Variants in LRMDA observed in about 807,000 individuals in gnomAD.
LRMDA encodes leucine rich melanocyte differentiation associated, also known as leucine-rich melanocyte differentiation-associated protein.
A neutral mutation model predicts 29.8 loss-of-function variants in LRMDA; 18 were observed. That is an observed-to-expected ratio of 0.60 (90% confidence interval 0.42 to 0.90). LRMDA has a LOEUF of 0.90. Among genes scored for constraint, LRMDA ranks in the 40% least tolerant of loss-of-function variants. LRMDA has a pLI of 0.00. For missense variants in LRMDA, 273 were observed against 273.9 expected, an observed-to-expected ratio of 1.00 and a Z score of 0.02; for synonymous variants, 125 against 109.4, an observed-to-expected ratio of 1.14 and a Z score of -0.89.
chr10:76,466,278 G>C (rs1187497837), intron 6 of LRMDA, among the ~76,000 whole-genome samples: 1 of 152,120 alleles, frequency 6.6e-6, no homozygotes, highest in Non-Finnish European at 1.5e-5. Context: ...AGCTGGTACT[G>C]GCAAGTATGA....
At chr10:76,044,197 C>T (rs997222429) in intron 3 of LRMDA, among the ~76,000 whole-genome samples, 5 of 152,108 alleles carry the variant, frequency 3.3e-5, no homozygotes, top group East Asian at 1.9e-4. Context: ...TCTGATGGGT[C>T]GCATGGGTGG....
In LRMDA at chr10:75,895,242, C is replaced by A. The variant is rs527974208; in HGVS notation, c.132-140766C>A. Among the ~76,000 whole-genome samples the A allele has an allele frequency of 2.0e-5, 3 of 152,304 alleles. No homozygotes were observed. The South Asian group carries it at 6.2e-4, about 32-fold the overall frequency. On this transcript the variant is annotated intron_variant, in intron 2 of 6. Transcript: ENST00000611255. ...GGGAAAGTGGTGTTTTAAGGTGAAT[C>A]TGTCAGGTGCTGTGTAGATTCAAGT...
At chr10:75,698,959 G>T (rs1015927098) in intron 2 of LRMDA, among the ~76,000 whole-genome samples, 1 of 152,172 alleles carries the variant, frequency 6.6e-6, no homozygotes, top group Non-Finnish European at 1.5e-5. Flanking sequence ...CCAGCACTTT[G>T]GGAGGCTGAG....
chr10:75,548,561 G>T (rs1398539404), intron 2 of LRMDA, among the ~76,000 whole-genome samples: 1 of 152,130 alleles, frequency 6.6e-6, no homozygotes, highest in Non-Finnish European at 1.5e-5. Flanking sequence ...CCTATTTTCA[G>T]CACAGGAGCC....
At chr10:75,697,850 T>TGTGTGTGTGCGC (rs10664076) in intron 2 of LRMDA, among the ~76,000 whole-genome samples, 1 of 151,586 alleles carries the variant, frequency 6.6e-6, no homozygotes, top group South Asian at 2.1e-4. Flanking sequence ...TGTGTGTGTG[T>TGTGTGTGTGCGC]GCGTGTGTGT....
chr10:76,057,354 A>T (rs1007308157), intron 4 of LRMDA, among the ~76,000 whole-genome samples: 1 of 152,244 alleles, frequency 6.6e-6, no homozygotes, highest in African/African-American at 2.4e-5. Flanking sequence ...GGCCTGGCAC[A>T]TAGTAGGTGA....
chr10:76,556,631 G>A (rs961486791), intron 6 of LRMDA: 1 of 153,240 alleles, frequency 6.5e-6, no homozygotes, highest in Non-Finnish European at 1.5e-5. Flanking sequence ...GGGATTACAG[G>A]CGTGAGCCAC....
At chr10:75,484,235 CAT>C (rs1262161691) in intron 2 of LRMDA, among the ~76,000 whole-genome samples, 1 of 152,184 alleles carries the variant, frequency 6.6e-6, no homozygotes, top group Non-Finnish European at 1.5e-5. Flanking sequence ...GGATTACAGA[CAT>C]GTGCTACTGC....
intron 6 of LRMDA, among the ~76,000 whole-genome samples, chr10:76,395,248 G>T (rs1171030683): frequency 6.6e-6 from 1 of 152,156 alleles, no homozygotes; most frequent in Non-Finnish European, 1.5e-5. Flanking sequence ...ACTTTTCAGA[G>T]CTTTTGCTCA....
intron 6 of LRMDA, among the ~76,000 whole-genome samples, chr10:76,438,114 C>G (rs993442485): frequency 5.3e-5 from 8 of 152,126 alleles, no homozygotes; most frequent in African/African-American, 1.7e-4. Flanking sequence ...ATGCAGGAAG[C>G]CTGAGAACCC....
intron 5 of LRMDA, among the ~76,000 whole-genome samples, chr10:76,280,895 C>T (rs1840195098): frequency 3.9e-5 from 6 of 152,114 alleles, no homozygotes; most frequent in Admixed American, 3.9e-4. Context: ...AGTTTACCAA[C>T]AAGGGCACAA....
chr10:75,973,996 C>A (rs550554994), intron 2 of LRMDA, among the ~76,000 whole-genome samples: 3 of 152,238 alleles, frequency 2.0e-5, no homozygotes, highest in South Asian at 4.1e-4. Flanking sequence ...CCTGTCAGGG[C>A]TTGGCACATA....
chr10:75,979,410 A>G (rs2132447431), intron 2 of LRMDA, among the ~76,000 whole-genome samples: 1 of 152,336 alleles, frequency 6.6e-6, no homozygotes, highest in Non-Finnish European at 1.5e-5. Context: ...AAGTGGCTCC[A>G]TATATGATAA....
In LRMDA at chr10:76,356,512, T is replaced by G. The variant is rs1462675837; in HGVS notation, c.601+32027T>G. Among the ~76,000 whole-genome samples, 3 of 152,318 alleles carry G rather than the reference T, an allele frequency of 2.0e-5. No individual in the cohort carries two copies. In the East Asian group the frequency reaches 5.8e-4, roughly 29 times the overall value. ...ATGGAATTTTGAGAAAACCGTATTT[T>G]TTTTTAAACTGGAGGGATTGGTGGA... On this transcript the variant is annotated intron_variant, in intron 6 of 6. Coordinates refer to ENST00000611255, the MANE Select transcript of LRMDA (RefSeq NM_001305581.2).
intron 2 of LRMDA, among the ~76,000 whole-genome samples, chr10:75,858,858 G>T (rs1844871659): frequency 6.6e-6 from 1 of 152,146 alleles, no homozygotes; most frequent in Non-Finnish European, 1.5e-5. Context: ...CTCTTCCCCA[G>T]AAGAGATAAC....
intron 2 of LRMDA, among the ~76,000 whole-genome samples, chr10:75,589,843 TTTTG>T (rs1387967252): frequency 1.3e-5 from 2 of 151,916 alleles, no homozygotes; most frequent in African/African-American, 4.8e-5. Context: ...GTGTGTTTAA[TTTTG>T]TTTGTGCATG....
intron 2 of LRMDA, among the ~76,000 whole-genome samples, chr10:75,616,261 C>CAGCAGA (rs1464001346): frequency 6.6e-6 from 1 of 151,938 alleles, no homozygotes; most frequent in East Asian, 1.9e-4. Flanking sequence ...GCAGCAGCAG[C>CAGCAGA]AGCAGCAGCA....
rs539385516 is a variant in LRMDA, at chr10:75,617,161, G to A, written c.131+178667G>A. Among the ~76,000 whole-genome samples the A allele has an allele frequency of 7.2e-5, 11 of 152,288 alleles. No homozygotes were observed. The South Asian group carries it at 2.1e-3, about 29-fold the overall frequency. ...GATAAACTGTAGTCACCTCCAAGGC[G>A]TATGTGCATTTAGATATGAGGCATT... On this transcript the variant is annotated intron_variant, in intron 2 of 6. Coordinates refer to ENST00000611255, the MANE Select transcript of LRMDA (RefSeq NM_001305581.2).
chr10:76,340,673 A>G (rs938578655), intron 6 of LRMDA, among the ~76,000 whole-genome samples: 3 of 152,120 alleles, frequency 2.0e-5, no homozygotes, highest in Non-Finnish European at 4.4e-5. Context: ...TGCATATGAA[A>G]GAGGGATTTA....
Sources: allele counts gnomAD v4.1 joint callset (sites outside exome capture counted in the v4.1 genomes callset), GRCh38; gene constraint gnomAD v4.1.1; transcripts MANE v1.5; gene names NCBI Gene and HGNC (gene_info 2026-07-23, HGNC 2026-07-21).